MS4A10: variants seen among roughly 807,000 people sequenced by gnomAD.
MS4A10 encodes the protein membrane-spanning 4-domains subfamily A member 10.
MS4A10 carries 27 observed loss-of-function variants against 27.7 expected under a neutral mutation model. The observed-to-expected ratio is 0.98, with a 90% confidence interval of 0.72 to 1.35. The LOEUF is 1.35. Among genes scored for constraint, MS4A10 ranks in the 40% most tolerant of loss-of-function variants. The probability of loss-of-function intolerance (pLI) is 0.00; values close to 1 mark genes in which losing one functional copy is unlikely to be tolerated. For synonymous variants in MS4A10, 139 were observed against 131.2 expected, an observed-to-expected ratio of 1.06 and a Z score of -0.41; for missense variants, 338 against 324.7, an observed-to-expected ratio of 1.04 and a Z score of -0.32.
chr11:60,787,934 T>A (rs979379361), intron 1 of MS4A10, among the ~76,000 whole-genome samples: 7 of 152,024 alleles, frequency 4.6e-5, no homozygotes, highest in African/African-American at 1.7e-4. Context: ...GGAGAATCAC[T>A]TGAACCCGGG....
intron 1 of MS4A10, among the ~76,000 whole-genome samples, chr11:60,786,935 G>A (rs766227071): frequency 2.0e-5 from 3 of 152,212 alleles, no homozygotes; most frequent in Non-Finnish European, 4.4e-5. Context: ...TCAAAGCTCC[G>A]GGGAGCAGAG....
At chr11:60,796,844 A>G (rs1854542025) in intron 6 of MS4A10, among the ~76,000 whole-genome samples, 1 of 152,188 alleles carries the variant, frequency 6.6e-6, no homozygotes, top group South Asian at 2.1e-4. Context: ...TATAAAAGAA[A>G]AAAAATAAAT....
intron 3 of MS4A10, among the ~76,000 whole-genome samples, chr11:60,791,440 C>G (rs1854429710): frequency 6.6e-6 from 1 of 152,220 alleles, no homozygotes; most frequent in African/African-American, 2.4e-5. Context: ...GCCTCTGGAT[C>G]CAGCTACAGG....
At chr11:60,794,385 G>A (rs1198918407) in intron 5 of MS4A10, among the ~76,000 whole-genome samples, 1 of 152,208 alleles carries the variant, frequency 6.6e-6, no homozygotes, top group Non-Finnish European at 1.5e-5. Flanking sequence ...CAACTTGACG[G>A]CAAATCCAGG....
chr11:60,788,725 A>T (rs929586633), intron 1 of MS4A10, among the ~76,000 whole-genome samples: 1 of 152,062 alleles, frequency 6.6e-6, no homozygotes, highest in African/African-American at 2.4e-5. Context: ...CTGCCCACTC[A>T]CCCCACTAAA....
At chr11:60,795,309 A>T (rs1475910827) in intron 5 of MS4A10, among the ~76,000 whole-genome samples, 1 of 151,958 alleles carries the variant, frequency 6.6e-6, no homozygotes, top group African/African-American at 2.4e-5. Flanking sequence ...CAGCCCTCAA[A>T]CGTTAGGCCA....
chr11:60,792,047 G>A (rs987128471), intron 3 of MS4A10, among the ~76,000 whole-genome samples: 1 of 152,184 alleles, frequency 6.6e-6, no homozygotes, highest in Non-Finnish European at 1.5e-5. Flanking sequence ...ATGGGAGGAG[G>A]TATGGAGGTT....
intron 3 of MS4A10, 39 bp downstream of exon 3, chr11:60,791,132 T>C (rs780448621): frequency 6.2e-7 from 1 of 1,610,142 alleles, no homozygotes; most frequent in East Asian, 2.2e-5. Flanking sequence ...TGTGGGAGTC[T>C]GCAAGGCAGG....
chr11:60,798,353 T>G (rs371670190), intron 6 of MS4A10, 43 bp from the exon 7 acceptor site: 62 of 1,457,380 alleles, frequency 4.3e-5, no homozygotes, highest in Non-Finnish European at 5.7e-5. Context: ...AGCCAGTCGC[T>G]CCACAGCTGT....
chr11:60,798,761 C>T (rs1471481998), intron 7 of MS4A10, among the ~76,000 whole-genome samples: 2 of 152,242 alleles, frequency 1.3e-5, no homozygotes, highest in Admixed American at 6.5e-5. Flanking sequence ...CCAGAACTAC[C>T]TCAGCTGAAC....
intron 1 of MS4A10, among the ~76,000 whole-genome samples, chr11:60,787,504 C>G (rs962458543): frequency 5.6e-4 from 86 of 152,276 alleles, no homozygotes; most frequent in Admixed American, 5.4e-3. Flanking sequence ...GGCTCTCTAT[C>G]CCGTGAGAGA....
At chr11:60,787,166 C>T (rs1367930930) in intron 1 of MS4A10, among the ~76,000 whole-genome samples, 3 of 143,972 alleles carry the variant, frequency 2.1e-5, no homozygotes, top group African/African-American at 5.0e-5. Context: ...GTGGGTTTCC[C>T]GTGGGATACC....
chr11:60,794,721 G>A (rs1386519430), intron 5 of MS4A10, among the ~76,000 whole-genome samples: 1 of 152,108 alleles, frequency 6.6e-6, no homozygotes, highest in East Asian at 1.9e-4. Flanking sequence ...TGTCACCCAG[G>A]CTGGAGTGCA....
rs545929205 is a variant in MS4A10, at chr11:60,798,443, C to T, written c.651C>T (p.Gly217=). 29 of 1,614,048 alleles carry T rather than the reference C, an allele frequency of 1.8e-5. No individual in the cohort carries two copies. Among genetic ancestry groups the T allele is most frequent in the Non-Finnish European group, 1.9e-5 (23 of 1,180,022 alleles). The part of the protein sequence containing the change: ...LVPNTPLHLK[G]LPVEPPPSYQ... ...CGAATACACCATTGCATCTCAAAGG[C>T]CTGCCGGTGGAGCCCCCGCCATCCT... The change falls in exon 7 of 8, where the codon GGC becomes GGT. Residue 217 remains glycine (G), a synonymous_variant. Coordinates refer to ENST00000308287, the MANE Select transcript of MS4A10 (RefSeq NM_206893.4).
intron 6 of MS4A10, among the ~76,000 whole-genome samples, chr11:60,796,605 A>G (rs1854536715): frequency 6.6e-6 from 1 of 152,154 alleles, no homozygotes; most frequent in Admixed American, 6.5e-5. Context: ...CCTTTGAGGT[A>G]CTTACATTCT....
At position 60,800,123 on chromosome 11, in the gene MS4A10, ATTGTT is replaced by A. The variant is rs1182368489; in HGVS notation, c.*226_*230del. On this transcript the variant is annotated 3_prime_UTR_variant, in exon 8 of 8. Transcript: ENST00000308287. The stretch of plus-strand genomic sequence containing the variant: ...TGGCTCGATATCTGTGGTGGCCCAG[ATTGTT>A]TTGTTTTGTTTCGCTTTGTTTTGTT... 3.2e-6 allele frequency: 2 copies of A among 634,050 alleles called. No homozygotes were observed. The highest frequency in any genetic ancestry group is 2.4e-5 in the South Asian group (1 of 42,398). 39.3% of individuals were successfully genotyped at this position (634,050 alleles called of 1,614,324 possible).
intron 3 of MS4A10, among the ~76,000 whole-genome samples, chr11:60,791,705 A>T (rs693813): frequency 0.97 from 148,330 of 152,370 alleles, 72,313 homozygotes; most frequent in East Asian, 1. Flanking sequence ...ACATCAGTCC[A>T]CTGTTCTCAC....
At chr11:60,795,806 A>T in intron 6 of MS4A10, 141 bp downstream of exon 6, 1 of 496,620 alleles carries the variant, frequency 2.0e-6, no homozygotes, top group Non-Finnish European at 3.3e-6. Context: ...TCACTAAGTG[A>T]CAGCCCACGA....
At position 60,792,302 on chromosome 11, in the gene MS4A10, C is replaced by A; in HGVS notation, c.341C>A (p.Thr114Asn). 2 of 1,612,850 alleles carry A rather than the reference C, an allele frequency of 1.2e-6. No homozygotes were observed. Among genetic ancestry groups the A allele is most frequent in the Non-Finnish European group, 1.7e-6 (2 of 1,178,892 alleles). ...ISGILAITMK[T>N]FSKTYLKMLC... ...GGGATCTTGGCGATAACAATGAAGA[C>A]CTTTTCTAAAACTTACCTGGTGAGT... The change falls in exon 4 of 8, where the codon ACC becomes AAC. Residue 114 changes from threonine to asparagine, a missense_variant. Physicochemically the swap from Thr to Asn is moderately conservative, Grantham distance 65. Coordinates refer to ENST00000308287, the MANE Select transcript of MS4A10 (RefSeq NM_206893.4).
Sources: gnomAD v4.1 joint callset for allele counts (sites outside exome capture counted in the v4.1 genomes callset) on GRCh38, gnomAD v4.1.1 for gene constraint, MANE v1.5 for transcripts, NCBI Gene and HGNC (gene_info 2026-07-23, HGNC 2026-07-21) for gene names.